ADGRL3: variants seen among roughly 807,000 people sequenced by gnomAD.
The protein encoded by ADGRL3 is calcium-independent alpha-latrotoxin receptor 3.
In ADGRL3, 62 loss-of-function variants were observed where a neutral mutation model predicts 153.5. The observed-to-expected ratio is 0.40, with a 90% CI of 0.33 to 0.50. The LOEUF is 0.50. Ranked by LOEUF, ADGRL3 falls within the 20% of genes least tolerant of loss-of-function variation. The pLI is 0.47. For missense variants in ADGRL3, 1,641 were observed against 1,859.4 expected (o/e 0.88, Z 2.16); for synonymous variants, 710 against 672.5 (o/e 1.06, Z -0.86).
In ADGRL3 at chr4:61,410,104, T is replaced by G. The variant is rs545049523; in HGVS notation, c.-174+26915T>G. 6.6e-5 allele frequency among the ~76,000 whole-genome samples: 10 copies of G among 152,170 alleles called. No homozygotes were observed. In the East Asian group the frequency reaches 1.7e-3, roughly 26 times the overall value. Reference sequence around the variant, plus strand: ...GGAATAAGTTAAATTGTGAAAGTTTTTTTTTCTAGTAATTCATGACATTAA... The same window carrying G: ...GGAATAAGTTAAATTGTGAAAGTTTGTTTTTCTAGTAATTCATGACATTAA... On this transcript the variant is annotated intron_variant, in intron 2 of 26. Coordinates refer to ENST00000683033, the MANE Select transcript of ADGRL3 (RefSeq NM_001387552.1).
intron 2 of ADGRL3, among the ~76,000 whole-genome samples, chr4:61,460,930 C>T (rs933041008): frequency 2.6e-5 from 4 of 152,054 alleles, no homozygotes; most frequent in South Asian, 2.1e-4. Flanking sequence ...ATTAGCCAGG[C>T]GCGGTGGCAG....
At chr4:62,017,557 ATT>A (rs1196900632) in intron 21 of ADGRL3, among the ~76,000 whole-genome samples, 2 of 151,778 alleles carry the variant, frequency 1.3e-5, no homozygotes, top group Non-Finnish European at 2.9e-5. Flanking sequence ...ACATTTTGTT[ATT>A]TAATAGCTTA....
At chr4:61,668,952 G>A (rs1423184205) in intron 5 of ADGRL3, among the ~76,000 whole-genome samples, 2 of 152,104 alleles carry the variant, frequency 1.3e-5, no homozygotes, top group African/African-American at 4.8e-5. Flanking sequence ...TGCAGAGATC[G>A]AAGATGCAGT....
intron 6 of ADGRL3, among the ~76,000 whole-genome samples, chr4:61,694,219 T>A (rs1165679591): frequency 1.9e-5 from 2 of 105,564 alleles, no homozygotes; most frequent in African/African-American, 7.1e-5. Context: ...TTTTTTTTTT[T>A]AGAGGCAGGA....
chr4:61,332,925 T>C (rs1031095741), intron 1 of ADGRL3, among the ~76,000 whole-genome samples: 1 of 152,198 alleles, frequency 6.6e-6, no homozygotes, highest in Non-Finnish European at 1.5e-5. Context: ...AGAATCCGTA[T>C]TCTATTAATG....
chr4:61,856,569 CTT>C (rs1325824460), intron 9 of ADGRL3, among the ~76,000 whole-genome samples: 5 of 111,148 alleles, frequency 4.5e-5, no homozygotes, highest in Non-Finnish European at 9.3e-5. Context: ...CTCTCTCTCT[CTT>C]TCTCTCTCTC....
intron 23 of ADGRL3, among the ~76,000 whole-genome samples, chr4:62,033,147 C>A (rs1026339794): frequency 6.6e-6 from 1 of 151,716 alleles, no homozygotes; most frequent in African/African-American, 2.4e-5. Flanking sequence ...ATTCAAACAA[C>A]CTCAATCTAT....
chr4:61,996,142 T>G lies in ADGRL3; in HGVS notation c.3237-149T>G, dbSNP rs568327485. The stretch of plus-strand genomic sequence containing the variant: ...TGCTGTCAGAAATTGGGCACATAAT[T>G]CAGCATTTAAATGAACAAGCAATGT... On this transcript the variant is annotated intron_variant, in intron 19 of 26. Coordinates refer to ENST00000683033, the MANE Select transcript of ADGRL3 (RefSeq NM_001387552.1). 73 of 586,394 alleles carry G rather than the reference T, an allele frequency of 1.2e-4. No individual in the cohort carries two copies. In the South Asian group the frequency reaches 1.5e-3, roughly 12 times the overall value. 36.3% of individuals were successfully genotyped at this position (586,394 alleles called of 1,614,324 possible).
chr4:61,986,281 C>G (rs1034526210), intron 19 of ADGRL3, among the ~76,000 whole-genome samples: 4 of 152,100 alleles, frequency 2.6e-5, no homozygotes, highest in Non-Finnish European at 1.5e-5. Flanking sequence ...CCATTTTGCT[C>G]TCTTGAAGTT....
At chr4:61,204,960 T>G (rs548763442) in intron 1 of ADGRL3, among the ~76,000 whole-genome samples, 1 of 152,302 alleles carries the variant, frequency 6.6e-6, no homozygotes, top group Non-Finnish European at 1.5e-5. Flanking sequence ...CTTAACATTT[T>G]GCAGATTTAA....
chr4:61,257,643 A>C (rs889837940), intron 1 of ADGRL3, among the ~76,000 whole-genome samples: 1 of 152,112 alleles, frequency 6.6e-6, no homozygotes, highest in Admixed American at 6.5e-5. Flanking sequence ...TTAAAATTCA[A>C]CTCCCCCCAA....
At chr4:61,595,425 C>T (rs1046456648) in intron 5 of ADGRL3, among the ~76,000 whole-genome samples, 5 of 152,168 alleles carry the variant, frequency 3.3e-5, no homozygotes, top group Admixed American at 3.3e-4. Context: ...AGTGGTCCTT[C>T]TTGATCCAGG....
rs1401913600 is a variant in ADGRL3, at chr4:61,617,546, AC to A, written c.473+30107del. Among the ~76,000 whole-genome samples the A allele has an allele frequency of 3.9e-5, 6 of 152,184 alleles. No individual in the cohort carries two copies. The East Asian group carries it at 1.2e-3, about 29-fold the overall frequency. On this transcript the variant is annotated intron_variant, in intron 5 of 26. Coordinates refer to ENST00000683033, the MANE Select transcript of ADGRL3 (RefSeq NM_001387552.1). ...CACCTCTTAGATTTTTCCCAAAATT[AC>A]TGCAAAGTTTCCTGTAAGAAAAACA...
At chr4:61,400,212 T>C (rs1243314333) in intron 2 of ADGRL3, among the ~76,000 whole-genome samples, 1 of 151,754 alleles carries the variant, frequency 6.6e-6, no homozygotes, top group Admixed American at 6.6e-5. Context: ...TAATTTTATA[T>C]TGAAGAAACA....
intron 5 of ADGRL3, among the ~76,000 whole-genome samples, chr4:61,612,620 CT>C (rs1471743448): frequency 6.6e-6 from 1 of 152,100 alleles, no homozygotes; most frequent in Non-Finnish European, 1.5e-5. Context: ...ACTAAAAACA[CT>C]TTTAAAAAAC....
chr4:61,408,799 G>C (rs2097040380), intron 2 of ADGRL3, among the ~76,000 whole-genome samples: 1 of 151,828 alleles, frequency 6.6e-6, no homozygotes, highest in Admixed American at 6.6e-5. Context: ...AGAAAACACT[G>C]AGTTTGGATG....
At chr4:61,839,598 T>A (rs2097994981) in intron 9 of ADGRL3, among the ~76,000 whole-genome samples, 1 of 152,004 alleles carries the variant, frequency 6.6e-6, no homozygotes, top group South Asian at 2.1e-4. Context: ...GCAGGTTTTT[T>A]TTTTCTTTTT....
At chr4:61,628,892 A>T (rs975737133) in intron 5 of ADGRL3, among the ~76,000 whole-genome samples, 1 of 152,196 alleles carries the variant, frequency 6.6e-6, no homozygotes, top group Non-Finnish European at 1.5e-5. Flanking sequence ...ACCCCCAGAG[A>T]GTAAGTGCTG....
At position 61,438,611 on chromosome 4, in the gene ADGRL3, C is replaced by T. The variant is rs576146618; in HGVS notation, c.-174+55422C>T. Among the ~76,000 whole-genome samples, 6 of 151,742 alleles carry T rather than the reference C, an allele frequency of 4.0e-5. No individual in the cohort carries two copies. In the South Asian group the frequency reaches 1.0e-3, roughly 26 times the overall value. On this transcript the variant is annotated intron_variant, in intron 2 of 26. Coordinates refer to ENST00000683033, the MANE Select transcript of ADGRL3 (RefSeq NM_001387552.1). The stretch of plus-strand genomic sequence containing the variant: ...GTCTTCACTGCTAGGTCCTGGCATT[C>T]GTATAGTGCCTGGAAGTTGATAAGT...
Sources: gnomAD v4.1 joint callset for allele counts (sites outside exome capture counted in the v4.1 genomes callset) on GRCh38, gnomAD v4.1.1 for gene constraint, MANE v1.5 for transcripts, NCBI Gene and HGNC (gene_info 2026-07-23, HGNC 2026-07-21) for gene names.